The following BTAF1 variants were observed in gnomAD, a reference collection of about 807,000 sequenced individuals.
The protein encoded by BTAF1 is TATA-binding protein-associated factor 172.
Under a neutral mutation model 227.1 loss-of-function variants are expected in BTAF1, and 38 were observed. The ratio of observed to expected loss-of-function variants is 0.17; its 90% CI spans 0.13 to 0.22. The LOEUF (loss-of-function observed/expected upper bound fraction) is 0.22, where lower values mean the gene tolerates loss of function less well. Among genes scored for constraint, BTAF1 ranks in the 10% least tolerant of loss-of-function variants. The pLI, the probability that BTAF1 is intolerant of heterozygous loss-of-function variation, is 1.00. For synonymous variants in BTAF1, 742 were observed against 751.9 expected, an observed-to-expected ratio of 0.99 and a Z score of 0.21; for missense variants, 1,598 against 2,204.0, an observed-to-expected ratio of 0.73 and a Z score of 5.51.
intron 25 of BTAF1, 32 bp downstream of exon 25, chr10:91,997,783 A>C (rs370355844): frequency 1.2e-5 from 19 of 1,602,974 alleles, no homozygotes; most frequent in Non-Finnish European, 8.5e-6. Context: ...TAAAGACATA[A>C]TGTTTTCTAT....
Position 91,964,089 on chromosome 10 carries a change from A to G in BTAF1, c.1417A>G (p.Ile473Val), listed in dbSNP as rs1238765341. 1 of 1,613,244 alleles carries G rather than the reference A, an allele frequency of 6.2e-7. No individual in the cohort carries two copies. Among genetic ancestry groups the G allele is most frequent in the African/African-American group, 1.3e-5 (1 of 74,920 alleles). The change falls in exon 13 of 38, where the codon ATA becomes GTA. Residue 473 changes from isoleucine to valine, a missense_variant. Around this residue, in one of 10 missense-constraint regions of BTAF1, gnomAD observed 318 missense variants for 435.0 expected, o/e 0.73. Coordinates refer to ENST00000265990, the MANE Select transcript of BTAF1 (RefSeq NM_003972.3). Reference sequence around the variant, plus strand: ...ACTGATCTTATAGGTGCCCTTCATTATAAATACATTGTGGGATGCTCTTCT... The same window carrying G: ...ACTGATCTTATAGGTGCCCTTCATTGTAAATACATTGTGGGATGCTCTTCT... The part of the protein sequence containing the change: ...YLQTQKVPFI[I>V]NTLWDALLEL...
At position 92,029,814 on chromosome 10, in the gene BTAF1, A is replaced by G. The variant is rs1326237227; in HGVS notation, c.*881A>G. 1.3e-5 allele frequency: 2 copies of G among 152,440 alleles called. No individual in the cohort carries two copies. Among genetic ancestry groups the G allele is most frequent in the East Asian group, 3.8e-4 (2 of 5,196 alleles). 9.4% of individuals were successfully genotyped at this position (152,440 alleles called of 1,614,324 possible). A position where few individuals can be genotyped will look rare whatever the true frequency, so the allele number is the denominator to read the frequency against. On this transcript the variant is annotated 3_prime_UTR_variant, in exon 38 of 38. Transcript: ENST00000265990. ...AATGCATGGCTGAAGCATAAAAGGG[A>G]GAGAGAATTTCTTTATATACACAAA...
At chr10:91,962,929 C>G (rs1451181189) in intron 12 of BTAF1, among the ~76,000 whole-genome samples, 1 of 151,708 alleles carries the variant, frequency 6.6e-6, no homozygotes, top group South Asian at 2.1e-4. Flanking sequence ...CCATTTCTTC[C>G]TAATTTTACT....
intron 25 of BTAF1, among the ~76,000 whole-genome samples, chr10:92,006,418 G>A (rs1175161536): frequency 6.6e-6 from 1 of 152,108 alleles, no homozygotes; most frequent in East Asian, 1.9e-4. Context: ...AAATTCATTG[G>A]TTGTCTTACA....
chr10:91,973,711 C>T (rs1185821244), intron 14 of BTAF1, among the ~76,000 whole-genome samples: 11 of 151,268 alleles, frequency 7.3e-5, no homozygotes, highest in African/African-American at 2.7e-4. Flanking sequence ...GAGACCATCC[C>T]GGCTAAAACG....
At chr10:91,963,375 C>T (rs1021642106) in intron 12 of BTAF1, among the ~76,000 whole-genome samples, 3 of 150,852 alleles carry the variant, frequency 2.0e-5, no homozygotes, top group East Asian at 2.0e-4. Context: ...GCCAAGATCG[C>T]GCCACTGCAC....
intron 8 of BTAF1, 74 bp downstream of exon 8, chr10:91,957,367 A>T: frequency 8.0e-7 from 1 of 1,249,552 alleles, no homozygotes; most frequent in South Asian, 1.4e-5. Context: ...CAAGAGCAAT[A>T]TACTTTGTCA....
At chr10:91,926,481 A>G (rs181138733) in intron 1 of BTAF1, among the ~76,000 whole-genome samples, 2 of 152,212 alleles carry the variant, frequency 1.3e-5, no homozygotes, top group Admixed American at 1.3e-4. Context: ...CCAATCCTGT[A>G]TATTCTGCCT....
intron 4 of BTAF1, among the ~76,000 whole-genome samples, chr10:91,949,256 T>A (rs1054644975): frequency 6.6e-6 from 1 of 152,150 alleles, no homozygotes; most frequent in Non-Finnish European, 1.5e-5. Flanking sequence ...AAGGCTCCAG[T>A]GAGCTGTCAT....
In BTAF1 at chr10:92,016,525, C is replaced by G; in HGVS notation, c.4710+60C>G. 1 of 1,411,078 alleles carries G rather than the reference C, an allele frequency of 7.1e-7. No homozygotes were observed. The highest frequency in any genetic ancestry group is 9.4e-7 in the Non-Finnish European group (1 of 1,061,506). 87.4% of individuals were successfully genotyped at this position (1,411,078 alleles called of 1,614,324 possible). A position where few individuals can be genotyped will look rare whatever the true frequency, so the allele number is the denominator to read the frequency against. On this transcript the variant is annotated intron_variant, in intron 33 of 37. Coordinates refer to ENST00000265990, the MANE Select transcript of BTAF1 (RefSeq NM_003972.3). The stretch of plus-strand genomic sequence containing the variant: ...ATGGAATTTCACTCTGTCATCTAGG[C>G]TAGAGTGCAGTGGCATGATCTCGGC...
chr10:91,994,794 C>A, intron 23 of BTAF1, 150 bp downstream of exon 23: 1 of 617,284 alleles, frequency 1.6e-6, no homozygotes, highest in Non-Finnish European at 2.8e-6. Context: ...CCTTTACTAA[C>A]AGTGCAACTC....
chr10:91,982,772 G>T lies in BTAF1; in HGVS notation c.2223+11G>T. Reference sequence around the variant, plus strand: ...GCTGCTTTACAAAAGGTAAGATTTTGCCCCAAAAGTAATAAAGACAAATTA... The same window carrying T: ...GCTGCTTTACAAAAGGTAAGATTTTTCCCCAAAAGTAATAAAGACAAATTA... On this transcript the variant is annotated intron_variant, in intron 18 of 37. Transcript: ENST00000265990. 1.9e-6 allele frequency: 3 copies of T among 1,584,702 alleles called. No individual in the cohort carries two copies. Among genetic ancestry groups the T allele is most frequent in the East Asian group, 2.3e-5 (1 of 44,416 alleles).
intron 14 of BTAF1, among the ~76,000 whole-genome samples, chr10:91,974,655 C>T (rs1847556532): frequency 6.6e-6 from 1 of 152,054 alleles, no homozygotes; most frequent in Non-Finnish European, 1.5e-5. Flanking sequence ...AGTTTGAGAC[C>T]AGCCTGGCTG....
intron 33 of BTAF1, among the ~76,000 whole-genome samples, chr10:92,018,553 TATAAAC>T (rs1308133522): frequency 6.6e-6 from 1 of 152,168 alleles, no homozygotes; most frequent in African/African-American, 2.4e-5. Flanking sequence ...GGGAGACAGA[TATAAAC>T]AGTACAATTT....
intron 1 of BTAF1, among the ~76,000 whole-genome samples, chr10:91,924,833 T>C (rs1843720611): frequency 6.6e-6 from 1 of 152,200 alleles, no homozygotes; most frequent in African/African-American, 2.4e-5. Flanking sequence ...GGAAAGCTTT[T>C]GTAAGCGGAA....
chr10:92,021,714 T>C (rs1015791957), intron 34 of BTAF1, among the ~76,000 whole-genome samples: 3 of 151,940 alleles, frequency 2.0e-5, no homozygotes, highest in African/African-American at 7.3e-5. Context: ...GCTAATTTTT[T>C]TTTGTATTTT....
intron 35 of BTAF1, among the ~76,000 whole-genome samples, chr10:92,025,344 T>C (rs1169566254): frequency 6.6e-6 from 1 of 151,972 alleles, no homozygotes; most frequent in African/African-American, 2.4e-5. Flanking sequence ...TGAGAACAAG[T>C]TGGAATCTGG....
chr10:91,956,159 A>G (rs1245498366), intron 6 of BTAF1, among the ~76,000 whole-genome samples: 3 of 152,180 alleles, frequency 2.0e-5, no homozygotes, highest in Non-Finnish European at 4.4e-5. Flanking sequence ...TCTAGTATAT[A>G]AAAGCCTAAA....
Position 91,953,856 on chromosome 10 carries a change from G to T in BTAF1, c.684G>T (p.Val228=), listed in dbSNP as rs755900934. The T allele has an allele frequency of 6.2e-7, 1 of 1,613,916 alleles. No individual in the cohort carries two copies. The highest frequency in any genetic ancestry group is 1.1e-5 in the South Asian group (1 of 91,048). ...CAAAACAGAGATCCAGGGATGCAGTGGAAACTAATGAGAAGAGGTAGTAAT... is the reference window on the plus strand; with the variant it reads ...CAAAACAGAGATCCAGGGATGCAGTTGAAACTAATGAGAAGAGGTAGTAAT... The part of the protein sequence containing the change: ...LFAKQRSRDA[V]ETNEKSNDST... The change falls in exon 6 of 38, where the codon GTG becomes GTT. Residue 228 remains valine (V), a synonymous_variant. Coordinates refer to ENST00000265990, the MANE Select transcript of BTAF1 (RefSeq NM_003972.3).
Sources: allele counts gnomAD v4.1 joint callset (sites outside exome capture counted in the v4.1 genomes callset), GRCh38; gene constraint gnomAD v4.1.1; regional missense constraint gnomAD v4.1.1; transcripts MANE v1.5; gene names NCBI Gene and HGNC (gene_info 2026-07-23, HGNC 2026-07-21).